ASPA: variants seen among roughly 807,000 people sequenced by gnomAD.
The protein encoded by ASPA is aspartoacylase.
In ASPA, 25 loss-of-function variants were observed where a neutral mutation model predicts 29.6. The ratio of observed to expected loss-of-function variants is 0.85; its 90% CI spans 0.62 to 1.18. The LOEUF is 1.18. ASPA is among the 50% of genes most tolerant of loss of function. The pLI, the probability that ASPA is intolerant of heterozygous loss-of-function variation, is 0.00. For synonymous variants in ASPA, 131 were observed against 130.3 expected, an observed-to-expected ratio of 1.01 and a Z score of -0.04; for missense variants, 333 against 385.7, an observed-to-expected ratio of 0.86 and a Z score of 1.14.
chr17:3,494,436 G>T lies in ASPA; in HGVS notation c.721G>T (p.Ala241Ser). ...YPRDENGEIA[A>S]IIHPNLQDQD... is the part of the protein sequence containing the mutation. Reference sequence around the variant, plus strand: ...CCGGGATGAAAATGGAGAAATTGCTGCTATCATCCATCCTAATCTGCAGGT... The same window carrying T: ...CCGGGATGAAAATGGAGAAATTGCTTCTATCATCCATCCTAATCTGCAGGT... The change falls in exon 5 of 6, where the codon GCT (alanine) becomes TCT (serine). Residue 241 changes from alanine (A) to serine (S), a missense_variant. Transcript: ENST00000263080. 1 of 1,609,482 alleles carries T rather than the reference G, an allele frequency of 6.2e-7. No individual in the cohort carries two copies. The highest frequency in any genetic ancestry group is 1.7e-5 in the Admixed American group (1 of 59,998).
upstream of ASPA, among the ~76,000 whole-genome samples, chr17:3,474,527 C>T (rs750250215): frequency 3.3e-5 from 5 of 152,180 alleles, no homozygotes; most frequent in Admixed American, 6.5e-5. Flanking sequence ...ATCTCTACAC[C>T]GTCTGAAGTG....
chr17:3,493,186 G>C (rs768020947), intron 4 of ASPA, among the ~76,000 whole-genome samples: 2 of 152,108 alleles, frequency 1.3e-5, no homozygotes, highest in Non-Finnish European at 2.9e-5. Flanking sequence ...TGCATCTTTG[G>C]AAGTTGGTCT....
rs1597421975 is a variant in ASPA, at chr17:3,476,012, A to T, written c.-148A>T. 1.4e-6 allele frequency: 1 copy of T among 729,098 alleles called. No individual in the cohort carries two copies. The highest frequency in any genetic ancestry group is 1.8e-5 in the South Asian group (1 of 56,898). The allele number at this position is 729,098 out of a possible 1,614,324, so 45.2% of individuals were successfully genotyped here. On this transcript the variant is annotated 5_prime_UTR_variant, in exon 1 of 6. Coordinates refer to ENST00000263080, the MANE Select transcript of ASPA (RefSeq NM_000049.4). ...AACGGGGCTCAGAACTTGTAACAGA[A>T]AATTAAAATATACTCCACTCAAGGG... is the stretch of plus-strand genomic sequence containing the variant.
intron 1 of ASPA, 88 bp from the exon 2 acceptor site, chr17:3,481,515 C>A: frequency 1.6e-6 from 2 of 1,247,086 alleles, no homozygotes; most frequent in Non-Finnish European, 2.3e-6. Flanking sequence ...GATTTGGCGA[C>A]TGGTTCTTTT....
intron 4 of ASPA, among the ~76,000 whole-genome samples, chr17:3,492,299 T>C (rs1001258570): frequency 6.6e-6 from 1 of 152,236 alleles, no homozygotes; most frequent in Admixed American, 6.5e-5. Flanking sequence ...TACTCAAACA[T>C]AGATGGAAGT....
chr17:3,476,021 TATAC>T lies in ASPA; in HGVS notation c.-138_-135del. On this transcript the variant is annotated 5_prime_UTR_variant, in exon 1 of 6. Transcript: ENST00000263080. ...CAGAACTTGTAACAGAAAATTAAAATATACTCCACTCAAGGGAATTCTGTACTTT... is the reference window on the plus strand; with the variant it reads ...CAGAACTTGTAACAGAAAATTAAAATTCCACTCAAGGGAATTCTGTACTTT... 1 of 756,878 alleles carries T rather than the reference TATAC, an allele frequency of 1.3e-6. No individual in the cohort carries two copies. 46.9% of individuals were successfully genotyped at this position (756,878 alleles called of 1,614,324 possible).
chr17:3,502,976 C>T lies in ASPA; in HGVS notation c.*3888C>T, dbSNP rs1481349544. The T allele has an allele frequency of 1.3e-5, 2 of 152,198 alleles. No homozygotes were observed. Among genetic ancestry groups the T allele is most frequent in the East Asian group, 1.9e-4 (1 of 5,196 alleles). 9.4% of individuals were successfully genotyped at this position (152,198 alleles called of 1,614,324 possible). A position where few individuals can be genotyped will look rare whatever the true frequency, so the allele number is the denominator to read the frequency against. On this transcript the variant is annotated 3_prime_UTR_variant, in exon 6 of 6. Coordinates refer to ENST00000263080, the MANE Select transcript of ASPA (RefSeq NM_000049.4). Reference sequence around the variant, plus strand: ...TTGCAAATACAGTCTTTCAAGAAGTCCTGCCATGTCCTAAATGCCCAAACC... The same window carrying T: ...TTGCAAATACAGTCTTTCAAGAAGTTCTGCCATGTCCTAAATGCCCAAACC...
rs1456032338 is a variant in ASPA at position 3,490,114 on chromosome 17, A to G, written c.634+772A>G. Among the ~76,000 whole-genome samples the G allele has an allele frequency of 1.3e-5, 2 of 152,212 alleles. No homozygotes were observed. The highest frequency in any genetic ancestry group is 2.9e-5 in the Non-Finnish European group (2 of 68,030). ...TTCTAGGATACATATATATGTTAAC[A>G]CATCACAGGGAAAGTCCTAGAAGAA... On this transcript the variant is annotated intron_variant, in intron 4 of 5. Coordinates refer to ENST00000263080, the MANE Select transcript of ASPA (RefSeq NM_000049.4). This position sits in a 1 kb window ranked among gnomAD's most constrained non-coding sequence, Gnocchi z 4.6.
At chr17:3,481,867 G>A (rs973066952) in intron 2 of ASPA, 69 bp downstream of exon 2, 1 of 1,372,350 alleles carries the variant, frequency 7.3e-7, no homozygotes, top group African/African-American at 1.4e-5. Context: ...ATGGATGTGA[G>A]ACAATCAGAA....
In ASPA at chr17:3,487,040, T is replaced by TTG. The variant is rs139476666; in HGVS notation, c.527-2179_527-2178dup. 6.5e-3 allele frequency among the ~76,000 whole-genome samples: 975 copies of TTG among 148,952 alleles called. 8 individuals carry two copies. Among genetic ancestry groups the TTG allele is most frequent in the African/African-American group, 0.02 (802 of 40,340 alleles). On this transcript the variant is annotated intron_variant, in intron 3 of 5. Transcript: ENST00000263080. ...GCTGTGTCCAGTCGCTTTCCCATAT[T>TTG]TGTGTGTGTGTGTGTGTTTATGTGT...
chr17:3,493,311 C>A (rs950215076), intron 4 of ASPA, among the ~76,000 whole-genome samples: 13 of 152,048 alleles, frequency 8.5e-5, no homozygotes, highest in African/African-American at 3.1e-4. Flanking sequence ...GCCTGTAATC[C>A]CAGCACTTGG....
At chr17:3,496,505 G>T (rs2073909111) in intron 5 of ASPA, among the ~76,000 whole-genome samples, 1 of 152,178 alleles carries the variant, frequency 6.6e-6, no homozygotes, top group African/African-American at 2.4e-5. Flanking sequence ...CCTGAGGCTG[G>T]AACAAACTTG....
At chr17:3,494,718 C>G (rs1274624289) in intron 5 of ASPA, among the ~76,000 whole-genome samples, 1 of 152,106 alleles carries the variant, frequency 6.6e-6, no homozygotes, top group Non-Finnish European at 1.5e-5. Flanking sequence ...AAAAGTCTAA[C>G]TTTAGTCTAG....
chr17:3,481,844 TTTTAAGTCAATTATGGA>T (rs1240495084), intron 2 of ASPA, 46 bp downstream of exon 2: 5 of 1,480,988 alleles, frequency 3.4e-6, no homozygotes, highest in Non-Finnish European at 3.7e-6. Context: ...GGACTTGTAC[TTTTAAGTCAATTATGGA>T]TGTGAGACAA....
rs374511844 is a variant in ASPA, at chr17:3,502,861, G to C, written c.*3773G>C. The C allele has an allele frequency of 2.6e-4, 40 of 152,394 alleles. No individual in the cohort carries two copies. The highest frequency in any genetic ancestry group is 7.8e-4 in the Admixed American group (12 of 15,298). The allele number at this position is 152,394 out of a possible 1,614,324, so 9.4% of individuals were successfully genotyped here. ...TTATTCGCAGGCAAGGTGTGAGGAG[G>C]TCTTTGGGCTCCAGCTGTTGCCAGC... On this transcript the variant is annotated 3_prime_UTR_variant, in exon 6 of 6. Coordinates refer to ENST00000263080, the MANE Select transcript of ASPA (RefSeq NM_000049.4).
At chr17:3,481,512 C>T (rs1597429557) in intron 1 of ASPA, 91 bp from the exon 2 acceptor site, 10 of 1,198,404 alleles carry the variant, frequency 8.3e-6, no homozygotes, top group African/African-American at 1.5e-5. Context: ...AAAGATTTGG[C>T]GACTGGTTCT....
chr17:3,497,949 T>C (rs901132028), intron 5 of ASPA, among the ~76,000 whole-genome samples: 3 of 152,144 alleles, frequency 2.0e-5, no homozygotes, highest in Non-Finnish European at 4.4e-5. Context: ...TCCCGTGGTG[T>C]GACAGCCATG....
intron 4 of ASPA, among the ~76,000 whole-genome samples, chr17:3,493,813 T>C (rs1284698982): frequency 6.6e-6 from 1 of 152,088 alleles, no homozygotes; most frequent in Non-Finnish European, 1.5e-5. Flanking sequence ...AGATTCTTTT[T>C]CTCTCAAACT....
intron 2 of ASPA, 84 bp from the exon 3 acceptor site, chr17:3,483,415 T>C (rs1405083863): frequency 1.3e-5 from 15 of 1,131,966 alleles, no homozygotes; most frequent in Middle Eastern, 1.9e-4. Context: ...GTAAAACGTA[T>C]TGAAGGTATT....
Sources: gnomAD v4.1 joint callset for allele counts (sites outside exome capture counted in the v4.1 genomes callset) on GRCh38, gnomAD v4.1.1 for gene constraint, Gnocchi (gnomAD v3.1) non-coding constraint, MANE v1.5 for transcripts, NCBI Gene and HGNC (gene_info 2026-07-23, HGNC 2026-07-21) for gene names.